The following ANKS1A variants were observed in gnomAD, a reference collection of about 807,000 sequenced individuals.
ANKS1A encodes ankyrin repeat and SAM domain-containing protein 1A.
In ANKS1A, 55 loss-of-function variants were observed where a neutral mutation model predicts 120.3. The ratio of observed to expected loss-of-function variants is 0.46; its 90% CI spans 0.37 to 0.57. The LOEUF is 0.57. Among genes scored for constraint, ANKS1A ranks in the 20% least tolerant of loss-of-function variants. ANKS1A has a pLI of 0.00. For synonymous variants in ANKS1A, 590 were observed against 604.7 expected, an observed-to-expected ratio of 0.98 and a Z score of 0.36; for missense variants, 1,123 against 1,480.3, an observed-to-expected ratio of 0.76 and a Z score of 3.96.
At chr6:34,978,916 G>A (rs1056058132) in intron 3 of ANKS1A, among the ~76,000 whole-genome samples, 1 of 151,186 alleles carries the variant, frequency 6.6e-6, no homozygotes, top group African/African-American at 2.4e-5. Context: ...GTTTTTTTGA[G>A]ATGGAGTCTT....
In ANKS1A at chr6:34,896,365, G is replaced by A. The variant is rs903330275; in HGVS notation, c.197+6766G>A. 8.5e-5 allele frequency among the ~76,000 whole-genome samples: 13 copies of A among 152,118 alleles called. No homozygotes were observed. The South Asian group carries it at 1.0e-3, about 12-fold the overall frequency. On this transcript the variant is annotated intron_variant, in intron 1 of 23. Transcript: ENST00000360359. ...AATTACTACAGGTGTGAGCCCCCAC[G>A]CCCAGCCAAGAATGTCTTAAAATAC... is the stretch of plus-strand genomic sequence containing the variant.
intron 1 of ANKS1A, among the ~76,000 whole-genome samples, chr6:34,929,954 G>T (rs1768904662): frequency 6.6e-6 from 1 of 151,264 alleles, no homozygotes; most frequent in South Asian, 2.1e-4. Context: ...TTCCCCTATA[G>T]TCCTGGCTTA....
rs550201430 is a variant in ANKS1A at position 34,941,110 on chromosome 6, C to G, written c.198-26129C>G. On this transcript the variant is annotated intron_variant, in intron 1 of 23. Coordinates refer to ENST00000360359, the MANE Select transcript of ANKS1A (RefSeq NM_015245.3). ...TCAAGTGATTCTCCTGCCTCAGCCT[C>G]CTGAGTAGGTGGGATCACAGGCGTG... Among the ~76,000 whole-genome samples the G allele has an allele frequency of 1.1e-4, 17 of 152,000 alleles. No homozygotes were observed. In the South Asian group the frequency reaches 3.3e-3, roughly 30 times the overall value.
intron 13 of ANKS1A, among the ~76,000 whole-genome samples, chr6:35,072,412 C>T (rs1170260561): frequency 2.0e-5 from 3 of 152,252 alleles, no homozygotes; most frequent in Admixed American, 6.5e-5. Context: ...TGGAAAGTGA[C>T]ACTGATTACA....
intron 10 of ANKS1A, among the ~76,000 whole-genome samples, chr6:34,997,746 C>T (rs1772932818): frequency 6.6e-6 from 1 of 152,150 alleles, no homozygotes; most frequent in Admixed American, 6.5e-5. Flanking sequence ...ATTGACTCAA[C>T]CTTTGGAAGA....
chr6:35,032,110 A>G (rs915950079), intron 11 of ANKS1A, among the ~76,000 whole-genome samples: 4 of 152,254 alleles, frequency 2.6e-5, no homozygotes, highest in Non-Finnish European at 5.9e-5. Context: ...GATAGATATT[A>G]AGCAAGTACA....
intron 1 of ANKS1A, among the ~76,000 whole-genome samples, chr6:34,922,853 C>G (rs1281592915): frequency 2.0e-5 from 3 of 152,132 alleles, no homozygotes; most frequent in Non-Finnish European, 4.4e-5. Context: ...ACCACCACAC[C>G]TGGCTAATTT....
chr6:35,059,491 C>G (rs891578613), intron 12 of ANKS1A, among the ~76,000 whole-genome samples: 6 of 152,204 alleles, frequency 3.9e-5, no homozygotes, highest in Non-Finnish European at 7.3e-5. Flanking sequence ...CTTTTCTCCC[C>G]CTGCCGTGTT....
At chr6:34,965,549 C>T (rs1296356495) in intron 1 of ANKS1A, among the ~76,000 whole-genome samples, 1 of 152,000 alleles carries the variant, frequency 6.6e-6, no homozygotes, top group Non-Finnish European at 1.5e-5. Flanking sequence ...ACGAGTTTCC[C>T]TATGTTGGTC....
chr6:34,909,090 G>A (rs1191834071), intron 1 of ANKS1A, among the ~76,000 whole-genome samples: 2 of 152,026 alleles, frequency 1.3e-5, no homozygotes, highest in African/African-American at 2.4e-5. Flanking sequence ...CAAAAATGCC[G>A]TCCTTGAGGT....
Position 34,982,255 on chromosome 6 carries a change from A to G in ANKS1A, c.732+269A>G, listed in dbSNP as rs138842314. ...TTATGGACTGGCTCTCAAAACCAGA[A>G]AAGTTTCATTATCTTCCTATCCATG... On this transcript the variant is annotated intron_variant, in intron 4 of 23. Coordinates refer to ENST00000360359, the MANE Select transcript of ANKS1A (RefSeq NM_015245.3). This position sits in a 1 kb window ranked among gnomAD's most constrained non-coding sequence, Gnocchi z 4.9. Among the ~76,000 whole-genome samples, 178 of 152,314 alleles carry G rather than the reference A, an allele frequency of 1.2e-3. No homozygotes were observed. Among genetic ancestry groups the G allele is most frequent in the African/African-American group, 4.1e-3 (171 of 41,560 alleles).
At chr6:34,909,954 G>C (rs1767829787) in intron 1 of ANKS1A, among the ~76,000 whole-genome samples, 1 of 152,230 alleles carries the variant, frequency 6.6e-6, no homozygotes, top group Admixed American at 6.5e-5. Flanking sequence ...TATGTAGGAG[G>C]GAGAGGGGTT....
intron 3 of ANKS1A, chr6:34,972,530 T>C (rs1262725549): frequency 1.1e-6 from 1 of 923,902 alleles, no homozygotes; most frequent in Non-Finnish European, 1.3e-6. Context: ...ATTGCTTTGA[T>C]ATATTTCATC....
intron 23 of ANKS1A, among the ~76,000 whole-genome samples, chr6:35,087,329 G>A (rs1043355313): frequency 6.6e-6 from 1 of 152,220 alleles, no homozygotes; most frequent in African/African-American, 2.4e-5. Flanking sequence ...CATCAAGAGG[G>A]CTCAGGGGTT....
chr6:35,054,367 A>G (rs1040817831), intron 12 of ANKS1A, among the ~76,000 whole-genome samples: 1 of 152,192 alleles, frequency 6.6e-6, no homozygotes, highest in Non-Finnish European at 1.5e-5. Flanking sequence ...CTCCTTTTAC[A>G]TATGGGAGGG....
intron 11 of ANKS1A, among the ~76,000 whole-genome samples, chr6:35,022,840 A>G (rs1351619671): frequency 6.6e-6 from 1 of 152,228 alleles, no homozygotes; most frequent in Non-Finnish European, 1.5e-5. Context: ...CTTACCTAAT[A>G]ACTGCACGTT....
chr6:34,996,896 A>G (rs573395561), intron 10 of ANKS1A, among the ~76,000 whole-genome samples: 1 of 152,356 alleles, frequency 6.6e-6, no homozygotes, highest in South Asian at 2.1e-4. Flanking sequence ...ATTGTTTTAC[A>G]AATGGCTATC....
intron 11 of ANKS1A, chr6:35,039,498 A>G (rs1318077865): frequency 2.2e-6 from 1 of 447,458 alleles, no homozygotes; most frequent in Non-Finnish European, 4.5e-6. Flanking sequence ...CGCCCAGTCC[A>G]TCCTGTTAAT....
chr6:35,074,724 G>A (rs1777257757), intron 13 of ANKS1A, among the ~76,000 whole-genome samples: 1 of 152,226 alleles, frequency 6.6e-6, no homozygotes, highest in Admixed American at 6.5e-5. Context: ...CCCAGGCCTC[G>A]CTTGTGCCCA....
Sources: allele counts gnomAD v4.1 joint callset (sites outside exome capture counted in the v4.1 genomes callset), GRCh38; gene constraint gnomAD v4.1.1; non-coding constraint Gnocchi (gnomAD v3.1); transcripts MANE v1.5; gene names NCBI Gene and HGNC (gene_info 2026-07-23, HGNC 2026-07-21).